Variants in CDH23 observed in about 807,000 individuals in gnomAD.
CDH23 encodes the protein cadherin related 23.
CDH23 carries 189 observed loss-of-function variants against 317.1 expected under a neutral mutation model. That is an observed-to-expected ratio of 0.60 (90% CI 0.53 to 0.67). The LOEUF is 0.67. CDH23 is among the 30% of genes least tolerant of loss of function. The pLI, the probability that CDH23 is intolerant of heterozygous loss-of-function variation, is 0.00. For missense variants in CDH23, 4,401 were observed against 4,592.4 expected (o/e 0.96, Z 1.20); for synonymous variants, 1,839 against 1,876.8 (o/e 0.98, Z 0.52).
At chr10:71,804,273 G>T (rs1188339349) in intron 55 of CDH23, among the ~76,000 whole-genome samples, 1 of 152,132 alleles carries the variant, frequency 6.6e-6, no homozygotes, top group African/African-American at 2.4e-5. Flanking sequence ...AGGAGCTGAG[G>T]CTGAGCATCA....
chr10:71,703,686 G>A (rs1179018861), intron 24 of CDH23, among the ~76,000 whole-genome samples: 1 of 152,148 alleles, frequency 6.6e-6, no homozygotes, highest in Non-Finnish European at 1.5e-5. Context: ...CCACAGGCCC[G>A]CTGTGCCTCA....
chr10:71,799,076 T>A (rs780543719), intron 50 of CDH23, 35 bp from the exon 51 acceptor site: 1 of 1,588,406 alleles, frequency 6.3e-7, no homozygotes, highest in Non-Finnish European at 8.6e-7. Flanking sequence ...GAATGAGGAG[T>A]GGCCAAAATG....
intron 3 of CDH23, among the ~76,000 whole-genome samples, chr10:71,453,303 A>C (rs16928879): frequency 6.6e-6 from 1 of 152,250 alleles, no homozygotes; most frequent in Non-Finnish European, 1.5e-5. Context: ...ATCAATGCCC[A>C]GCTGTTTCTT....
At chr10:71,806,030 C>CGGGGGGGGGGGGGGGGGGG in intron 56 of CDH23, 33 bp downstream of exon 56, 1 of 617,246 alleles carries the variant, frequency 1.6e-6, no homozygotes, top group Non-Finnish European at 2.8e-6. Flanking sequence ...GGGGCGGGGT[C>CGGGGGGGGGGGGGGGGGGG]TGGGGCGGGG....
chr10:71,585,863 A>T (rs1859022189), intron 9 of CDH23, among the ~76,000 whole-genome samples: 1 of 152,234 alleles, frequency 6.6e-6, no homozygotes, highest in African/African-American at 2.4e-5. Context: ...TTTGTCAGCA[A>T]CAGTGGCTTG....
At chr10:71,564,494 G>T (rs538841811) in intron 6 of CDH23, among the ~76,000 whole-genome samples, 1 of 152,248 alleles carries the variant, frequency 6.6e-6, no homozygotes, top group African/African-American at 2.4e-5. Context: ...AAGGTCAGAC[G>T]TGGAGACCAT....
At chr10:71,640,674 G>T (rs1007537881) in intron 11 of CDH23, among the ~76,000 whole-genome samples, 3 of 152,150 alleles carry the variant, frequency 2.0e-5, no homozygotes, top group Non-Finnish European at 4.4e-5. Flanking sequence ...CTTGGACTGG[G>T]ACTCGGGAGG....
intron 40 of CDH23, 83 bp from the exon 41 acceptor site, chr10:71,779,184 G>A: frequency 7.6e-7 from 1 of 1,308,310 alleles, no homozygotes; most frequent in African/African-American, 1.4e-5. Flanking sequence ...GAATTATCAG[G>A]TCCATTTCAC....
At chr10:71,714,877 A>T (rs776201574) in intron 28 of CDH23, 7 of 152,218 alleles carry the variant, frequency 4.6e-5, no homozygotes, top group Non-Finnish European at 1.0e-4. Context: ...CCCACCCTTC[A>T]AATTTGGGAC....
chr10:71,747,284 G>T (rs946826743), intron 38 of CDH23, among the ~76,000 whole-genome samples: 2 of 152,242 alleles, frequency 1.3e-5, no homozygotes, highest in African/African-American at 4.8e-5. Context: ...ACAGTTGGCA[G>T]GCAGAAAAGG....
intron 6 of CDH23, among the ~76,000 whole-genome samples, chr10:71,532,738 T>TG (rs1564636408): frequency 1.7e-5 from 2 of 118,328 alleles, no homozygotes; most frequent in Non-Finnish European, 3.5e-5. Flanking sequence ...TTTTTTTTTT[T>TG]TTTTTTTTTG....
At chr10:71,583,688 C>T (rs190260885) in intron 9 of CDH23, among the ~76,000 whole-genome samples, 7 of 152,150 alleles carry the variant, frequency 4.6e-5, no homozygotes, top group South Asian at 2.1e-4. Flanking sequence ...TGCTGTCGTC[C>T]GCAGCTCAGG....
intron 21 of CDH23, among the ~76,000 whole-genome samples, chr10:71,694,934 G>A (rs1006798596): frequency 3.9e-5 from 6 of 152,194 alleles, no homozygotes; most frequent in African/African-American, 1.2e-4. Flanking sequence ...ACGGTATCGC[G>A]TGGCCAGGGA....
chr10:71,456,355 G>A (rs147498829), intron 3 of CDH23, among the ~76,000 whole-genome samples: 8 of 151,852 alleles, frequency 5.3e-5, no homozygotes, highest in African/African-American at 1.2e-4. Flanking sequence ...GTGCTTCTGC[G>A]TCCTTGCTTC....
intron 6 of CDH23, among the ~76,000 whole-genome samples, chr10:71,565,513 G>A (rs772854762): frequency 6.6e-6 from 1 of 152,182 alleles, no homozygotes; most frequent in Non-Finnish European, 1.5e-5. Context: ...TTGGGGAAAG[G>A]CAGAACTGGG....
At chr10:71,579,737 G>A (rs1457548245) in intron 9 of CDH23, among the ~76,000 whole-genome samples, 1 of 152,214 alleles carries the variant, frequency 6.6e-6, no homozygotes, top group Non-Finnish European at 1.5e-5. Flanking sequence ...TTCTAGGTGG[G>A]CAGAGCAGAA....
rs938684468 is a variant in CDH23 at position 71,741,670 on chromosome 10, ACTGCTCTC to A, written c.4618-13_4618-6del. ...GCCCCAATGCCTTGAGTCCAGAATG[ACTGCTCTC>A]CTGCTCTCCTCCCAGAACGTGGGTG... On this transcript the variant is annotated splice_polypyrimidine_tract_variant and intron_variant, in intron 37 of 69. Transcript: ENST00000224721. 3 of 1,581,302 alleles carry A rather than the reference ACTGCTCTC, an allele frequency of 1.9e-6. No individual in the cohort carries two copies. The highest frequency in any genetic ancestry group is 2.7e-5 in the African/African-American group (2 of 74,188).
At chr10:71,451,327 C>T (rs1309254444) in intron 3 of CDH23, among the ~76,000 whole-genome samples, 1 of 152,210 alleles carries the variant, frequency 6.6e-6, no homozygotes, top group Non-Finnish European at 1.5e-5. Context: ...TGAGGCAGAG[C>T]CTGCTCCAAG....
rs1207934003 is a variant in CDH23 at position 71,724,099 on chromosome 10, C to A, written c.3424C>A (p.Leu1142Ile). The stretch of plus-strand genomic sequence containing the variant: ...GTTTGGGCGTGTGTGGTACCGCATC[C>A]TCCATGGTAAGTGGGGCTGCCCTAG... ...GEFGRVWYRI[L>I]HGNHGNNFRI... Residue 1142 changes from leucine to isoleucine, a missense_variant, in exon 29 of 70, where the codon CTC becomes ATC. Coordinates refer to ENST00000224721, the MANE Select transcript of CDH23 (RefSeq NM_022124.6). 1 of 1,557,948 alleles carries A rather than the reference C, an allele frequency of 6.4e-7. No individual in the cohort carries two copies. The highest frequency in any genetic ancestry group is 1.9e-5 in the Admixed American group (1 of 51,732).
Sources: gnomAD v4.1 joint callset for allele counts (sites outside exome capture counted in the v4.1 genomes callset) on GRCh38, gnomAD v4.1.1 for gene constraint, MANE v1.5 for transcripts, NCBI Gene and HGNC (gene_info 2026-07-23, HGNC 2026-07-21) for gene names.